The following FANCA variants were observed in gnomAD, a reference collection of about 807,000 sequenced individuals.
FANCA encodes the protein Fanconi anemia group A protein.
In FANCA, 236 loss-of-function variants were observed where a neutral mutation model predicts 194.3. The ratio of observed to expected loss-of-function variants is 1.21; its 90% CI spans 1.09 to 1.35. The LOEUF (loss-of-function observed/expected upper bound fraction) is 1.35, where lower values mean the gene tolerates loss of function less well. Ranked by LOEUF, FANCA falls within the 40% of genes most tolerant of loss-of-function variation. The pLI is 0.00. For missense variants in FANCA, 2,628 were observed against 1,813.9 expected (o/e 1.45, Z -8.15); for synonymous variants, 1,014 against 715.8 (o/e 1.42, Z -6.65).
At chr16:89,798,970 A>G (rs1598163992) in intron 10 of FANCA, 196 bp downstream of exon 10, 29 of 1,613,360 alleles carry the variant, frequency 1.8e-5, no homozygotes, top group Non-Finnish European at 2.5e-5. Context: ...TCATCCTCAC[A>G]GGAAAAGGCT....
At chr16:89,769,164 G>A (rs965086961) in intron 26 of FANCA, among the ~76,000 whole-genome samples, 3 of 152,142 alleles carry the variant, frequency 2.0e-5, no homozygotes, top group Admixed American at 1.3e-4. Context: ...CAGGGTCTCC[G>A]GCACCGCAAC....
intron 21 of FANCA, among the ~76,000 whole-genome samples, chr16:89,774,550 G>A (rs888254952): frequency 6.6e-6 from 1 of 151,786 alleles, no homozygotes; most frequent in African/African-American, 2.4e-5. Flanking sequence ...CTAACACGGT[G>A]AAACCCTGTC....
At position 89,778,755 on chromosome 16, in the gene FANCA, G is replaced by T. The variant is rs1047585253; in HGVS notation, c.1826+46C>A. On this transcript the variant is annotated intron_variant, in intron 20 of 42. Transcript: ENST00000389301. ...AGATCCACAATTCTTCGCATTGTCA[G>T]AAGAAACCTGGAAGTAGTCATCCCC... is the stretch of plus-strand genomic sequence containing the variant. 5 of 1,570,658 alleles carry T rather than the reference G, an allele frequency of 3.2e-6. No individual in the cohort carries two copies. The African/African-American group carries it at 4.1e-5, about 13-fold the overall frequency.
intron 11 of FANCA, among the ~76,000 whole-genome samples, chr16:89,795,692 CATA>C (rs1328370943): frequency 2.0e-5 from 3 of 152,186 alleles, no homozygotes; most frequent in Non-Finnish European, 4.4e-5. Flanking sequence ...TTTGTCCACT[CATA>C]ATTCTGAATT....
At chr16:89,782,511 A>AG (rs1491513609) in intron 17 of FANCA, among the ~76,000 whole-genome samples, 2 of 123,428 alleles carry the variant, frequency 1.6e-5, no homozygotes, top group Non-Finnish European at 3.7e-5. Context: ...CTGCATCTCC[A>AG]AAAAAAAAAA....
At chr16:89,800,984 G>C (rs1167801017) in intron 8 of FANCA, among the ~76,000 whole-genome samples, 2 of 145,712 alleles carry the variant, frequency 1.4e-5, no homozygotes, top group Non-Finnish European at 3.0e-5. Flanking sequence ...AGTGAACCAA[G>C]ATGGCACCAC....
chr16:89,812,575 G>C (rs1281899835), intron 3 of FANCA, among the ~76,000 whole-genome samples: 2 of 149,332 alleles, frequency 1.3e-5, no homozygotes, highest in Admixed American at 1.3e-4. Context: ...TAACTAGGGA[G>C]GCAGAGGTTG....
intron 3 of FANCA, among the ~76,000 whole-genome samples, chr16:89,811,946 C>G (rs115802985): frequency 6.6e-6 from 1 of 150,872 alleles, no homozygotes; most frequent in Non-Finnish European, 1.5e-5. Context: ...TGGCTAGGCT[C>G]GTCTCCAATT....
At chr16:89,805,439 C>T in intron 6 of FANCA, 47 bp from the exon 7 acceptor site, 2 of 1,452,356 alleles carry the variant, frequency 1.4e-6, no homozygotes, top group Non-Finnish European at 1.9e-6. Flanking sequence ...TAAATCCCAT[C>T]ATCAGGGGAT....
At chr16:89,792,631 G>A (rs956807786) in intron 11 of FANCA, 84 bp from the exon 12 acceptor site, 113 of 1,172,932 alleles carry the variant, frequency 9.6e-5, no homozygotes, top group South Asian at 5.9e-4. Flanking sequence ...CCACAGGGTC[G>A]GTGGGTCTCT....
chr16:89,762,008 G>C lies in FANCA; in HGVS notation c.2793C>G (p.Asp931Glu), dbSNP rs1375321272. 1 of 1,613,720 alleles carries C rather than the reference G, an allele frequency of 6.2e-7. No individual in the cohort carries two copies. The stretch of plus-strand genomic sequence containing the variant: ...GAATTTCCAGCTCCAGGTGTAACCA[G>C]TCTTGGTAAGTTAACTGAGAAAGAG... ...KEEDVHLTYQ[D>E]WLHLELEIQP... The change falls in exon 29 of 43, where the codon GAC (aspartate) becomes GAG (glutamate). Residue 931 changes from aspartate to glutamate, a missense_variant. Transcript: ENST00000389301.
At position 89,816,589 on chromosome 16, in the gene FANCA, G is replaced by T; in HGVS notation, c.27C>A (p.Ser9=). 4 of 1,525,936 alleles carry T rather than the reference G, an allele frequency of 2.6e-6. No individual in the cohort carries two copies. Among genetic ancestry groups the T allele is most frequent in the Admixed American group, 2.0e-5 (1 of 50,856 alleles). 94.5% of individuals were successfully genotyped at this position (1,525,936 alleles called of 1,614,324 possible). A position where few individuals can be genotyped will look rare whatever the true frequency, so the allele number is the denominator to read the frequency against. Reference sequence around the variant, plus strand: ...GGCCCCCTGGGTCCTGGCCCGAGGCGGAGTTCGGGACCCACGAGTCGGACA... The same window carrying T: ...GGCCCCCTGGGTCCTGGCCCGAGGCTGAGTTCGGGACCCACGAGTCGGACA... MSDSWVPN[S]ASGQDPGGRR... Residue 9 remains serine, a synonymous_variant, in exon 1 of 43, where the codon TCC becomes TCA. Coordinates refer to ENST00000389301, the MANE Select transcript of FANCA (RefSeq NM_000135.4).
chr16:89,784,847 T>G lies in FANCA; in HGVS notation c.1470+7A>C. The G allele has an allele frequency of 1.2e-6, 2 of 1,602,676 alleles. No individual in the cohort carries two copies. The highest frequency in any genetic ancestry group is 1.7e-6 in the Non-Finnish European group (2 of 1,169,516). On this transcript the variant is annotated splice_region_variant and intron_variant, in intron 15 of 42. Coordinates refer to ENST00000389301, the MANE Select transcript of FANCA (RefSeq NM_000135.4). ...AGAAATCATGGATGTGGCAGCCAGC[T>G]TCTCACCTGCAGGTACCGGGGAGAC...
At chr16:89,785,690 A>C (rs2039870917) in intron 14 of FANCA, among the ~76,000 whole-genome samples, 2 of 152,120 alleles carry the variant, frequency 1.3e-5, no homozygotes, top group South Asian at 4.1e-4. Context: ...GTGAACACTG[A>C]ACCGCTTACC....
intron 9 of FANCA, 111 bp from the exon 10 acceptor site, chr16:89,799,343 C>T: frequency 8.0e-7 from 1 of 1,244,324 alleles, no homozygotes; most frequent in Non-Finnish European, 1.2e-6. Context: ...CCCCAGAGGG[C>T]CCACATCCAT....
chr16:89,745,221 C>G, intron 35 of FANCA, 150 bp from the exon 36 acceptor site: 2 of 744,652 alleles, frequency 2.7e-6, no homozygotes, highest in African/African-American at 1.7e-5. Context: ...GTATTTTTTA[C>G]GTCAATTAAG....
Position 89,737,616 on chromosome 16 carries a change from G to GTGAC in FANCA, c.*981_*984dup. ...AAATGCACACAGCTGATGAAGCCAC[G>GTGAC]TGACAGTGTATAAAGCAGTTTAAAG... is the stretch of plus-strand genomic sequence containing the variant. On this transcript the variant is annotated 3_prime_UTR_variant, in exon 43 of 43. Coordinates refer to ENST00000389301, the MANE Select transcript of FANCA (RefSeq NM_000135.4). 4 of 1,108,502 alleles carry GTGAC rather than the reference G, an allele frequency of 3.6e-6. No individual in the cohort carries two copies. The South Asian group carries it at 6.8e-5, about 19-fold the overall frequency. 68.7% of individuals were successfully genotyped at this position (1,108,502 alleles called of 1,614,324 possible).
At chr16:89,795,381 C>G (rs2143554017) in intron 11 of FANCA, among the ~76,000 whole-genome samples, 1 of 151,954 alleles carries the variant, frequency 6.6e-6, no homozygotes, top group Non-Finnish European at 1.5e-5. Context: ...GTAATCCCAA[C>G]ACTTCGACAC....
rs1474991835 is a variant in FANCA, at chr16:89,756,095, AC to A, written c.2981+2481del. On this transcript the variant is annotated intron_variant, in intron 30 of 42. Transcript: ENST00000389301. ...TAAAAACACAGTTTAAAAAAAAGGT[AC>A]AAAAAATTATGGCTATGTGGGATTA... is the stretch of plus-strand genomic sequence containing the variant. Among the ~76,000 whole-genome samples, 13 of 152,354 alleles carry A rather than the reference AC, an allele frequency of 8.5e-5. 1 individual carries two copies. Among genetic ancestry groups the A allele is most frequent in the Admixed American group, 7.2e-4 (11 of 15,294 alleles).
Sources: allele counts gnomAD v4.1 joint callset (sites outside exome capture counted in the v4.1 genomes callset), GRCh38; gene constraint gnomAD v4.1.1; transcripts MANE v1.5; gene names NCBI Gene and HGNC (gene_info 2026-07-23, HGNC 2026-07-21).